Variants in SLC39A4 observed in about 807,000 individuals in gnomAD.
SLC39A4 encodes the protein zinc transporter ZIP4.
Under a neutral mutation model 56.6 loss-of-function variants are expected in SLC39A4, and 49 were observed. The ratio of observed to expected loss-of-function variants is 0.87; its 90% CI spans 0.69 to 1.10. SLC39A4 has a LOEUF of 1.10. Among genes scored for constraint, SLC39A4 ranks in the 50% least tolerant of loss-of-function variants. The pLI, the probability that SLC39A4 is intolerant of heterozygous loss-of-function variation, is 0.00. For missense variants in SLC39A4, 993 were observed against 864.2 expected (o/e 1.15, Z -1.87); for synonymous variants, 540 against 420.4 (o/e 1.28, Z -3.48).
chr8:144,415,356 C>T lies in SLC39A4; in HGVS notation c.538G>A (p.Gly180Ser), dbSNP rs374400812. ...TCCAGCAGGGCAGCCAGGACGCCGCCAGCACTGCCCGGAGCCCCCGCCCCC... is the reference window on the plus strand; with the variant it reads ...TCCAGCAGGGCAGCCAGGACGCCGCTAGCACTGCCCGGAGCCCCCGCCCCC... ...AVGAGAPGSA[G>S]GVLAALLDHV... The change falls in exon 3 of 12, where the codon GGC (glycine) becomes AGC (serine). Residue 180 changes from glycine (G) to serine (S), a missense_variant. By Grantham distance (56) the Gly-to-Ser change is moderately conservative. Coordinates refer to ENST00000301305, the MANE Select transcript of SLC39A4 (RefSeq NM_130849.4). 226 of 1,611,180 alleles carry T rather than the reference C, an allele frequency of 1.4e-4. No homozygotes were observed. The highest frequency in any genetic ancestry group is 1.8e-4 in the Non-Finnish European group (218 of 1,179,274).
chr8:144,416,506 G>A, intron 1 of SLC39A4, 92 bp downstream of exon 1: 1 of 1,504,148 alleles, frequency 6.6e-7, no homozygotes, highest in South Asian at 1.3e-5. Flanking sequence ...TCCGCCTCCT[G>A]GAGTTTGCCC....
Position 144,413,503 on chromosome 8 carries a change from C to T in SLC39A4, c.1474+10G>A. ...CCCCCAGCCCTTCCGGGGTCGCCCCCTGGGCTCACCTGGGCTCAGTCTCCT... is the reference window on the plus strand; with the variant it reads ...CCCCCAGCCCTTCCGGGGTCGCCCCTTGGGCTCACCTGGGCTCAGTCTCCT... On this transcript the variant is annotated intron_variant, in intron 9 of 11. Coordinates refer to ENST00000301305, the MANE Select transcript of SLC39A4 (RefSeq NM_130849.4). 1.3e-6 allele frequency: 2 copies of T among 1,555,878 alleles called. No homozygotes were observed. The highest frequency in any genetic ancestry group is 1.2e-5 in the South Asian group (1 of 84,656).
Position 144,416,689 on chromosome 8 carries a change from G to C in SLC39A4, c.101C>G (p.Ser34Cys). 1.2e-6 allele frequency: 2 copies of C among 1,612,410 alleles called. No individual in the cohort carries two copies. Among genetic ancestry groups the C allele is most frequent in the Non-Finnish European group, 1.7e-6 (2 of 1,179,698 alleles). The change falls in exon 1 of 12, where the codon TCT becomes TGT. Residue 34 changes from serine (S) to cysteine (C), a missense_variant. Physicochemically the swap from Ser to Cys is moderately radical, Grantham distance 112 (BLOSUM62 -1). Coordinates refer to ENST00000301305, the MANE Select transcript of SLC39A4 (RefSeq NM_130849.4). Reference protein sequence around the residue: ...PPAGLLSLLTSGQGALDQEAL... With the variant: ...PPAGLLSLLTCGQGALDQEAL... ...CTCTTGATCCAGAGCGCCCTGGCCA[G>C]AGGTGAGCAGGCTCAGCAGACCAGC...
Position 144,413,752 on chromosome 8 carries a change from G to C in SLC39A4, c.1417C>G (p.Leu473Val), listed in dbSNP as rs1413398492. Residue 473 changes from leucine (L) to valine (V), a missense_variant and splice_region_variant, in exon 8 of 12, where the codon CTG becomes GTG. Leu to Val is a conservative substitution (Grantham distance 32). Coordinates refer to ENST00000301305, the MANE Select transcript of SLC39A4 (RefSeq NM_130849.4). ...KPPHEGSRADLVAEESPELLN... is the reference protein window; with the variant it reads ...KPPHEGSRADVVAEESPELLN... ...TGGGGCATCTGGCGCCCACTCACCA[G>C]GTCTGCGCGGGAGCCCTCGTGGGGG... 1.3e-6 allele frequency: 2 copies of C among 1,537,698 alleles called. No homozygotes were observed. Among genetic ancestry groups the C allele is most frequent in the African/African-American group, 2.7e-5 (2 of 73,194 alleles).
At position 144,414,711 on chromosome 8, in the gene SLC39A4, G is replaced by A. The variant is rs1554873190; in HGVS notation, c.976+14C>T. Reference sequence around the variant, plus strand: ...CCTCTGTGCTGCCAGCACAATGTCGGCGTGGGCACTCACTCTCTGACTGGC... The same window carrying A: ...CCTCTGTGCTGCCAGCACAATGTCGACGTGGGCACTCACTCTCTGACTGGC... On this transcript the variant is annotated intron_variant, in intron 5 of 11. Transcript: ENST00000301305. 1 of 1,612,078 alleles carries A rather than the reference G, an allele frequency of 6.2e-7. No individual in the cohort carries two copies. Among genetic ancestry groups the A allele is most frequent in the Admixed American group, 1.7e-5 (1 of 59,990 alleles).
In SLC39A4 at chr8:144,413,133, G is replaced by C. The variant is rs1429448498; in HGVS notation, c.1627+104C>G. 5 of 1,498,032 alleles carry C rather than the reference G, an allele frequency of 3.3e-6. No homozygotes were observed. The African/African-American group carries it at 7.1e-5, about 21-fold the overall frequency. 92.8% of individuals were successfully genotyped at this position (1,498,032 alleles called of 1,614,324 possible). A position where few individuals can be genotyped will look rare whatever the true frequency, so the allele number is the denominator to read the frequency against. ...GTTTCCGGTCTCCCCACCCAGCCAG[G>C]TGCGGCCCCGCCCATCTTCCAGGCC... is the stretch of plus-strand genomic sequence containing the variant. On this transcript the variant is annotated intron_variant, in intron 10 of 11. Coordinates refer to ENST00000301305, the MANE Select transcript of SLC39A4 (RefSeq NM_130849.4).
intron 10 of SLC39A4, 73 bp downstream of exon 10, chr8:144,413,164 C>T: frequency 6.8e-7 from 1 of 1,472,508 alleles, no homozygotes; most frequent in South Asian, 1.2e-5. Context: ...AGGCCCCGCC[C>T]ACCTGTTCCA....
Position 144,414,331 on chromosome 8 carries a change from G to C in SLC39A4, c.1080C>G (p.Ile360Met), listed in dbSNP as rs782187279. ...CTGCRGVTHY[I>M]LQTFLSLAVG... is the part of the protein sequence containing the mutation. ...CTGCCAGGCTCAGGAAGGTCTGCAGGATGTAGTGGGTGACCCCCCTGCAGC... is the reference window on the plus strand; with the variant it reads ...CTGCCAGGCTCAGGAAGGTCTGCAGCATGTAGTGGGTGACCCCCCTGCAGC... Residue 360 changes from isoleucine to methionine, a missense_variant, in exon 6 of 12, where the codon ATC becomes ATG. Coordinates refer to ENST00000301305, the MANE Select transcript of SLC39A4 (RefSeq NM_130849.4). 1 of 1,599,736 alleles carries C rather than the reference G, an allele frequency of 6.3e-7. No individual in the cohort carries two copies. The highest frequency in any genetic ancestry group is 1.1e-5 in the South Asian group (1 of 88,208).
At position 144,416,652 on chromosome 8, in the gene SLC39A4, GC is replaced by G; in HGVS notation, c.137del (p.Gly46AlafsTer3). 6.2e-7 allele frequency: 1 copy of G among 1,609,636 alleles called. No homozygotes were observed. On this transcript the variant is annotated frameshift_variant, in exon 1 of 12. Transcript: ENST00000301305. LOFTEE classifies it high-confidence loss of function. ...QGALDQEALG[G>X]LLNTLADRVH... Reference sequence around the variant, plus strand: ...CACGGTCCGCCAGCGTATTTAACAGGCCGCCCAGAGCCTCTTGATCCAGAGC... The same window carrying G: ...CACGGTCCGCCAGCGTATTTAACAGGCGCCCAGAGCCTCTTGATCCAGAGC...
At position 144,414,204 on chromosome 8, in the gene SLC39A4, G is replaced by A. The variant is rs550855437; in HGVS notation, c.1149+58C>T. ...TGGGTAAGGTCCCTGGGAGGGCACGGCCTGGGAGTCCATGGTGGGGAACGG... is the reference window on the plus strand; with the variant it reads ...TGGGTAAGGTCCCTGGGAGGGCACGACCTGGGAGTCCATGGTGGGGAACGG... On this transcript the variant is annotated intron_variant, in intron 6 of 11. Coordinates refer to ENST00000301305, the MANE Select transcript of SLC39A4 (RefSeq NM_130849.4). 159 of 1,590,362 alleles carry A rather than the reference G, an allele frequency of 1.0e-4. 2 individuals carry two copies. The highest frequency in any genetic ancestry group is 8.0e-4 in the South Asian group (70 of 87,218).
chr8:144,416,022 G>T lies in SLC39A4; in HGVS notation c.262C>A (p.Leu88Met). 6.3e-7 allele frequency: 1 copy of T among 1,580,008 alleles called. No individual in the cohort carries two copies. Among genetic ancestry groups the T allele is most frequent in the Non-Finnish European group, 8.6e-7 (1 of 1,164,434 alleles). ...AGGCGGGCGACGTACCTGGCCTCCA[G>T]GACCGGGCCCGGGGGCAGCCCTGAC... The part of the protein sequence containing the change: ...EGSGLPPGPV[L>M]EARYVARLSA... Residue 88 changes from leucine (L) to methionine (M), a missense_variant, in exon 2 of 12, where the codon CTG (leucine) becomes ATG (methionine). Transcript: ENST00000301305.
chr8:144,416,838 T>C lies in SLC39A4; in HGVS notation c.-49A>G, dbSNP rs1554874218. On this transcript the variant is annotated 5_prime_UTR_variant, in exon 1 of 12. Coordinates refer to ENST00000301305, the MANE Select transcript of SLC39A4 (RefSeq NM_130849.4). ...GGGTGTTGCTGTGGCCAAGGCCCAGTGCTTCTGGGCTGGCTGAGGGCGGCT... is the reference window on the plus strand; with the variant it reads ...GGGTGTTGCTGTGGCCAAGGCCCAGCGCTTCTGGGCTGGCTGAGGGCGGCT... The C allele has an allele frequency of 2.6e-6, 4 of 1,568,058 alleles. No individual in the cohort carries two copies. The highest frequency in any genetic ancestry group is 3.5e-6 in the Non-Finnish European group (4 of 1,155,828).
rs1257206086 is a variant in SLC39A4, at chr8:144,415,062, C to A, written c.716G>T (p.Ser239Ile). The A allele has an allele frequency of 6.2e-7, 1 of 1,611,496 alleles. No individual in the cohort carries two copies. The highest frequency in any genetic ancestry group is 1.1e-5 in the South Asian group (1 of 91,090). Residue 239 changes from serine to isoleucine, a missense_variant, in exon 4 of 12, where the codon AGT becomes ATT. Transcript: ENST00000301305. ...TCCCCTGTGCCGATGACTGTGGTCACTGTGGGCCTCCCTGCCCACCCCCAG... is the reference window on the plus strand; with the variant it reads ...TCCCCTGTGCCGATGACTGTGGTCAATGTGGGCCTCCCTGCCCACCCCCAG... ...QRLGVGREAH[S>I]DHSHRHRGAS...
Position 144,414,752 on chromosome 8 carries a change from C to A in SLC39A4, c.949G>T (p.Val317Phe). 1 of 1,612,978 alleles carries A rather than the reference C, an allele frequency of 6.2e-7. No homozygotes were observed. Among genetic ancestry groups the A allele is most frequent in the South Asian group, 1.1e-5 (1 of 91,062 alleles). ...GACTSQSRPP[V>F]QDQLSQSERY... is the part of the protein sequence containing the mutation. ...TCTGACTGGCTGAGCTGGTCCTGGA[C>A]GGGGGGCCTGGACTGGGAGGTGCAG... is the stretch of plus-strand genomic sequence containing the variant. Residue 317 changes from valine to phenylalanine, a missense_variant, in exon 5 of 12, where the codon GTC becomes TTC. Val to Phe is a conservative substitution (Grantham distance 50, BLOSUM62 -1). Coordinates refer to ENST00000301305, the MANE Select transcript of SLC39A4 (RefSeq NM_130849.4).
At chr8:144,415,180 CT>C in intron 3 of SLC39A4, 46 bp downstream of exon 3, 1 of 1,612,712 alleles carries the variant, frequency 6.2e-7, no homozygotes, top group Non-Finnish European at 8.5e-7. Flanking sequence ...GACGTGGAGG[CT>C]GGGGACTCGG....
rs781855258 is a variant in SLC39A4, at chr8:144,412,954, C to A, written c.1628-8G>T. ...GCAAGGCGGCGAAGTCCCCTGCGGG[C>A]GAGTCCACATTAACAGCTCCGCCCT... On this transcript the variant is annotated splice_polypyrimidine_tract_variant and splice_region_variant and intron_variant, in intron 10 of 11. Coordinates refer to ENST00000301305, the MANE Select transcript of SLC39A4 (RefSeq NM_130849.4). 4.4e-6 allele frequency: 7 copies of A among 1,590,228 alleles called. No individual in the cohort carries two copies. The Admixed American group carries it at 6.9e-5, about 16-fold the overall frequency.
Position 144,413,233 on chromosome 8 carries a change from T to C in SLC39A4, c.1627+4A>G. ...ATCTCCTTCCAGGCCCCGCCTGCGC[T>C]CACCCAGCTCGTGTGGCAACTCGTG... On this transcript the variant is annotated splice_donor_region_variant and intron_variant, in intron 10 of 11. Coordinates refer to ENST00000301305, the MANE Select transcript of SLC39A4 (RefSeq NM_130849.4). The C allele has an allele frequency of 6.4e-7, 1 of 1,569,902 alleles. No homozygotes were observed. The highest frequency in any genetic ancestry group is 8.6e-7 in the Non-Finnish European group (1 of 1,162,894).
chr8:144,412,855 G>A lies in SLC39A4; in HGVS notation c.1719C>T (p.Leu573=), dbSNP rs782140094. The change falls in exon 11 of 12, where the codon CTC becomes CTT. Residue 573 remains leucine, a synonymous_variant. Transcript: ENST00000301305. ...LASALTAFAG[L]YVALAVGVSE... is the part of the protein sequence containing the mutation. ...TGACTCCAACCGCGAGTGCCACGTA[G>A]AGACCAGCGAAGGCCGTGAGCGCGG... 6.2e-7 allele frequency: 1 copy of A among 1,612,494 alleles called. No homozygotes were observed. Among genetic ancestry groups the A allele is most frequent in the South Asian group, 1.1e-5 (1 of 91,080 alleles).
At chr8:144,414,531 C>T (rs546999467) in intron 5 of SLC39A4, 97 bp from the exon 6 acceptor site, 3 of 1,528,838 alleles carry the variant, frequency 2.0e-6, no homozygotes, top group South Asian at 1.2e-5. Context: ...TCAGTGTGGG[C>T]CAGGCCCTCA....
Sources: allele counts gnomAD v4.1 joint callset, GRCh38; gene constraint gnomAD v4.1.1; transcripts MANE v1.5; gene names NCBI Gene and HGNC (gene_info 2026-07-23, HGNC 2026-07-21).